The following TNIP3 variants were observed in gnomAD, a reference collection of about 807,000 sequenced individuals.
TNIP3 encodes TNFAIP3-interacting protein 3.
TNIP3 carries 34 observed loss-of-function variants against 54.1 expected under a neutral mutation model. That is an observed-to-expected ratio of 0.63 (90% CI 0.48 to 0.84). TNIP3 has a LOEUF of 0.84. TNIP3 is among the 40% of genes least tolerant of loss of function. TNIP3 has a pLI of 0.00. For missense variants in TNIP3, 366 were observed against 387.6 expected (o/e 0.94, Z 0.47); for synonymous variants, 134 against 136.8 (o/e 0.98, Z 0.14).
intron 9 of TNIP3, among the ~76,000 whole-genome samples, chr4:121,139,849 T>C (rs534546648): frequency 6.6e-6 from 1 of 152,326 alleles, no homozygotes; most frequent in African/African-American, 2.4e-5. Context: ...TGAGCCTCAG[T>C]TTTATATTCC....
chr4:121,132,818 G>T (rs1015284601), intron 10 of TNIP3, among the ~76,000 whole-genome samples, 156 bp from the exon 11 acceptor site: 3 of 151,308 alleles, frequency 2.0e-5, no homozygotes, highest in African/African-American at 7.3e-5. Context: ...GAGAAATCAA[G>T]AAGCGGGAGA....
At chr4:121,177,181 T>C (rs1469374657) in intron 3 of TNIP3, among the ~76,000 whole-genome samples, 1 of 152,260 alleles carries the variant, frequency 6.6e-6, no homozygotes, top group Non-Finnish European at 1.5e-5. Flanking sequence ...GATTCATATA[T>C]TATTTTCATA....
At chr4:121,206,152 G>A (rs1258102352) in intron 2 of TNIP3, among the ~76,000 whole-genome samples, 1 of 152,122 alleles carries the variant, frequency 6.6e-6, no homozygotes, top group African/African-American at 2.4e-5. Context: ...TTTGGGTAGA[G>A]ACATAGCCAA....
chr4:121,186,960 T>C (rs987845821), intron 2 of TNIP3, among the ~76,000 whole-genome samples: 3 of 152,248 alleles, frequency 2.0e-5, no homozygotes, highest in African/African-American at 7.2e-5. Flanking sequence ...TTACATTCTC[T>C]TTTGAATTAG....
At position 121,158,693 on chromosome 4, in the gene TNIP3, T is replaced by G; in HGVS notation, c.207A>C (p.Glu69Asp). The change falls in exon 3 of 11, where the codon GAA becomes GAC. Residue 69 changes from glutamate (E) to aspartate (D), a missense_variant. Transcript: ENST00000057513. Reference protein sequence around the residue: ...QQFRSMKELYERKVAELKTKL... With the variant: ...QQFRSMKELYDRKVAELKTKL... ...AATAGAGAGAGGTATTTACCTTTCT[T>G]TCATATAACTCTTTCATACTTCTAA... The G allele has an allele frequency of 1.2e-6, 2 of 1,612,004 alleles. No homozygotes were observed. Among genetic ancestry groups the G allele is most frequent in the Non-Finnish European group, 1.7e-6 (2 of 1,178,642 alleles).
At chr4:121,141,541 A>G (rs1320086347) in intron 9 of TNIP3, among the ~76,000 whole-genome samples, 1 of 152,200 alleles carries the variant, frequency 6.6e-6, no homozygotes, top group African/African-American at 2.4e-5. Context: ...TTTGGGTAGA[A>G]TGAAGTATGC....
Position 121,140,517 on chromosome 4 carries a change from A to G in TNIP3, c.885+1299T>C, listed in dbSNP as rs567878168. 3.0e-4 allele frequency among the ~76,000 whole-genome samples: 45 copies of G among 152,240 alleles called. 1 individual carries two copies. In the South Asian group the frequency reaches 9.3e-3, roughly 32 times the overall value. The stretch of plus-strand genomic sequence containing the variant: ...GGTGAATTCCTTCCTTCTTTCCATA[A>G]AGAAATATTTGACTGAAACAATAAT... On this transcript the variant is annotated intron_variant, in intron 9 of 10. Coordinates refer to ENST00000057513, the MANE Select transcript of TNIP3 (RefSeq NM_024873.6).
Position 121,164,161 on chromosome 4 carries a change from A to C in TNIP3, c.-36T>G. Reference sequence around the variant, plus strand: ...TTTCCTGGAGTCTTGGAAAGCAGAAAGAAAAACAGGGGAAAAGTCTCTTAA... The same window carrying C: ...TTTCCTGGAGTCTTGGAAAGCAGAACGAAAAACAGGGGAAAAGTCTCTTAA... On this transcript the variant is annotated 5_prime_UTR_variant, in exon 1 of 11. Transcript: ENST00000057513. 1 of 1,613,472 alleles carries C rather than the reference A, an allele frequency of 6.2e-7. No individual in the cohort carries two copies. Among genetic ancestry groups the C allele is most frequent in the Non-Finnish European group, 8.5e-7 (1 of 1,179,630 alleles).
At chr4:121,198,209 T>A (rs181665414) in intron 2 of TNIP3, among the ~76,000 whole-genome samples, 3 of 152,134 alleles carry the variant, frequency 2.0e-5, no homozygotes, top group Non-Finnish European at 4.4e-5. Flanking sequence ...TTAGGACTTT[T>A]CAAACCAAAA....
chr4:121,213,697 A>G (rs1726610422), intron 2 of TNIP3, among the ~76,000 whole-genome samples: 1 of 150,852 alleles, frequency 6.6e-6, no homozygotes, highest in Admixed American at 6.6e-5. Flanking sequence ...ACTGCACTTC[A>G]GCCTGGGCGA....
upstream of TNIP3, among the ~76,000 whole-genome samples, chr4:121,165,111 A>G (rs1730683732): frequency 6.6e-6 from 1 of 151,762 alleles, no homozygotes; most frequent in South Asian, 2.1e-4. Flanking sequence ...CTAAAAAGAG[A>G]AAAGAATTTA....
chr4:121,157,714 T>C (rs765563606), intron 3 of TNIP3, among the ~76,000 whole-genome samples: 1 of 152,192 alleles, frequency 6.6e-6, no homozygotes, highest in Non-Finnish European at 1.5e-5. Flanking sequence ...ATCACTCTGA[T>C]GACAGAGTGA....
intron 2 of TNIP3, among the ~76,000 whole-genome samples, chr4:121,184,082 C>A (rs1035801221): frequency 7.9e-5 from 12 of 152,116 alleles, no homozygotes; most frequent in Admixed American, 4.6e-4. Context: ...GAGAAATTAT[C>A]TGATTAAAAA....
At chr4:121,206,154 C>G (rs1726178152) in intron 2 of TNIP3, among the ~76,000 whole-genome samples, 1 of 152,116 alleles carries the variant, frequency 6.6e-6, no homozygotes. Flanking sequence ...TGGGTAGAGA[C>G]ATAGCCAAAC....
intron 2 of TNIP3, among the ~76,000 whole-genome samples, chr4:121,210,071 T>A (rs1014397250): frequency 6.6e-6 from 1 of 152,192 alleles, no homozygotes; most frequent in African/African-American, 2.4e-5. Context: ...CTCTTAACCA[T>A]AATACTGATT....
At chr4:121,192,277 A>G (rs1199176610) in intron 2 of TNIP3, among the ~76,000 whole-genome samples, 7 of 152,182 alleles carry the variant, frequency 4.6e-5, no homozygotes, top group Non-Finnish European at 8.8e-5. Context: ...AATGGAATAA[A>G]TTATTGAAGA....
chr4:121,208,044 C>T (rs1051234140), intron 2 of TNIP3, among the ~76,000 whole-genome samples: 7 of 152,036 alleles, frequency 4.6e-5, no homozygotes, highest in South Asian at 2.1e-4. Flanking sequence ...CTCTTGCGGC[C>T]GCCATGATTC....
At chr4:121,138,811 A>G (rs952192649) in intron 9 of TNIP3, 127 bp from the exon 10 acceptor site, 22 of 799,692 alleles carry the variant, frequency 2.8e-5, no homozygotes, top group Non-Finnish European at 4.2e-5. Flanking sequence ...ATCCAAACCT[A>G]TTGCCAACCT....
intron 4 of TNIP3, among the ~76,000 whole-genome samples, chr4:121,156,563 C>T (rs1226700075): frequency 6.6e-6 from 1 of 152,040 alleles, no homozygotes; most frequent in Admixed American, 6.6e-5. Flanking sequence ...ATATTTTGCT[C>T]ACAGGTGGGC....
Sources: allele counts gnomAD v4.1 joint callset (sites outside exome capture counted in the v4.1 genomes callset), GRCh38; gene constraint gnomAD v4.1.1; transcripts MANE v1.5; gene names NCBI Gene and HGNC (gene_info 2026-07-23, HGNC 2026-07-21).